The following OXR1 variants were observed in gnomAD, a reference collection of about 807,000 sequenced individuals.
OXR1 encodes the protein oxidation resistance protein 1.
In OXR1, 41 loss-of-function variants were observed where a neutral mutation model predicts 104.6. The ratio of observed to expected loss-of-function variants is 0.39; its 90% CI spans 0.31 to 0.51. The LOEUF is 0.51. Ranked by LOEUF, OXR1 falls within the 20% of genes least tolerant of loss-of-function variation. The pLI, the probability that OXR1 is intolerant of heterozygous loss-of-function variation, is 0.77. For missense variants in OXR1, 955 were observed against 1,031.9 expected (o/e 0.93, Z 1.02); for synonymous variants, 348 against 348.4 (o/e 1.00, Z 0.01).
chr8:106,562,468 A>T (rs1193682486), intron 3 of OXR1, among the ~76,000 whole-genome samples: 1 of 152,232 alleles, frequency 6.6e-6, no homozygotes, highest in African/African-American at 2.4e-5. Flanking sequence ...ATATAGGACT[A>T]TGTGAAAAGA....
In OXR1 at chr8:106,616,838, G is replaced by T. The variant is rs543499460; in HGVS notation, c.221-62372G>T. On this transcript the variant is annotated intron_variant, in intron 3 of 16. Coordinates refer to ENST00000517566, the MANE Select transcript of OXR1 (RefSeq NM_001198533.2). ...TTAAATTTACCCCTGAAGCCCACCT[G>T]TTTGGGCATCCATTAGTTCTTAGAC... is the stretch of plus-strand genomic sequence containing the variant. Among the ~76,000 whole-genome samples the T allele has an allele frequency of 4.6e-5, 7 of 152,264 alleles. No homozygotes were observed. The East Asian group carries it at 1.2e-3, about 25-fold the overall frequency.
intron 1 of OXR1, among the ~76,000 whole-genome samples, chr8:106,279,793 A>C (rs914594156): frequency 1.3e-5 from 2 of 152,264 alleles, no homozygotes; most frequent in Non-Finnish European, 2.9e-5. Flanking sequence ...GAGTTCCTTC[A>C]CTGACTTCAA....
At chr8:106,526,631 C>T (rs1813691347) in intron 3 of OXR1, among the ~76,000 whole-genome samples, 1 of 152,230 alleles carries the variant, frequency 6.6e-6, no homozygotes, top group Admixed American at 6.5e-5. Flanking sequence ...CAAGCTCCGC[C>T]TCCCGGGTTC....
chr8:106,452,483 C>G (rs978290398), intron 2 of OXR1, among the ~76,000 whole-genome samples: 4 of 152,078 alleles, frequency 2.6e-5, no homozygotes, highest in Non-Finnish European at 5.9e-5. Flanking sequence ...ATCTTGTTAT[C>G]TTTACCAAAA....
chr8:106,721,057 C>A (rs1832783063), intron 11 of OXR1, among the ~76,000 whole-genome samples: 1 of 152,018 alleles, frequency 6.6e-6, no homozygotes, highest in Admixed American at 6.6e-5. Flanking sequence ...CAAGTACCAA[C>A]TTCAAGAGGC....
At chr8:106,572,545 C>CCA in intron 3 of OXR1, among the ~76,000 whole-genome samples, 1 of 152,040 alleles carries the variant, frequency 6.6e-6, no homozygotes, top group East Asian at 1.9e-4. Flanking sequence ...GACCCAAGCC[C>CCA]TACCTTTGAT....
At chr8:106,710,125 T>C (rs912347325) in intron 9 of OXR1, among the ~76,000 whole-genome samples, 2 of 152,128 alleles carry the variant, frequency 1.3e-5, no homozygotes, top group African/African-American at 4.8e-5. Flanking sequence ...GGTGGCAGAA[T>C]CTAACATATT....
intron 1 of OXR1, among the ~76,000 whole-genome samples, chr8:106,340,884 A>G (rs1815219327): frequency 6.6e-6 from 1 of 152,156 alleles, no homozygotes; most frequent in South Asian, 2.1e-4. Context: ...ATTATTCAAC[A>G]TTTACTGATA....
chr8:106,483,148 A>G (rs1399022454), intron 2 of OXR1, among the ~76,000 whole-genome samples: 1 of 151,970 alleles, frequency 6.6e-6, no homozygotes, highest in Non-Finnish European at 1.5e-5. Flanking sequence ...ATCATGCTTC[A>G]CAGTAGTCAG....
intron 11 of OXR1, chr8:106,726,129 G>A: frequency 1.4e-6 from 2 of 1,416,640 alleles, no homozygotes; most frequent in East Asian, 2.7e-5. Context: ...CTAGCAAACT[G>A]TTTTGTCACT....
chr8:106,600,211 G>A (rs763049979), intron 3 of OXR1, among the ~76,000 whole-genome samples: 26 of 152,192 alleles, frequency 1.7e-4, no homozygotes, highest in Non-Finnish European at 3.1e-4. Flanking sequence ...AGTAATAGGA[G>A]TAATGGAAAC....
chr8:106,607,344 C>T (rs1192356972), intron 3 of OXR1, among the ~76,000 whole-genome samples: 1 of 152,206 alleles, frequency 6.6e-6, no homozygotes, highest in African/African-American at 2.4e-5. Flanking sequence ...CATAAGTTAT[C>T]CCTTCCTCCC....
intron 3 of OXR1, among the ~76,000 whole-genome samples, chr8:106,608,299 A>G (rs1820553791): frequency 6.6e-6 from 1 of 152,142 alleles, no homozygotes; most frequent in Non-Finnish European, 1.5e-5. Flanking sequence ...TCTGTCTCTA[A>G]AAAAGCAAAA....
At chr8:106,630,623 C>G (rs959486288) in intron 3 of OXR1, among the ~76,000 whole-genome samples, 5 of 152,038 alleles carry the variant, frequency 3.3e-5, no homozygotes, top group African/African-American at 1.2e-4. Flanking sequence ...GAAGGGGAAG[C>G]GGGTTGTTTA....
At chr8:106,471,541 C>T (rs534228569) in intron 2 of OXR1, among the ~76,000 whole-genome samples, 6 of 151,640 alleles carry the variant, frequency 4.0e-5, no homozygotes, top group South Asian at 4.2e-4. Flanking sequence ...GTATTGCATG[C>T]GATAGACTAG....
At position 106,739,491 on chromosome 8, in the gene OXR1, G is replaced by T. The variant is rs766033726; in HGVS notation, c.2071G>T (p.Val691Phe). The change falls in exon 13 of 17, where the codon GTT becomes TTT. Residue 691 changes from valine to phenylalanine, a missense_variant. Physicochemically the swap from Val to Phe is conservative, Grantham distance 50 (BLOSUM62 -1). Transcript: ENST00000517566. ...AAGGGAAGACATAAATTCAAAGCAGGTTGCTACAGTGAAAGCAGACCTGGA... is the reference window on the plus strand; with the variant it reads ...AAGGGAAGACATAAATTCAAAGCAGTTTGCTACAGTGAAAGCAGACCTGGA... ...TTREDINSKQ[V>F]ATVKADLESE... The T allele has an allele frequency of 6.2e-7, 1 of 1,612,840 alleles. No individual in the cohort carries two copies. The highest frequency in any genetic ancestry group is 8.5e-7 in the Non-Finnish European group (1 of 1,179,094).
At chr8:106,376,051 G>T (rs1816894201) in intron 2 of OXR1, among the ~76,000 whole-genome samples, 2 of 152,048 alleles carry the variant, frequency 1.3e-5, no homozygotes, top group Non-Finnish European at 2.9e-5. Context: ...GTCTCAGTAT[G>T]TTACCCAGGC....
intron 2 of OXR1, among the ~76,000 whole-genome samples, chr8:106,459,926 A>G (rs1261018226): frequency 6.6e-6 from 1 of 152,228 alleles, no homozygotes; most frequent in Admixed American, 6.5e-5. Context: ...TCAAGGGAAG[A>G]TGGAGCATCC....
At chr8:106,470,736 G>T (rs1172830030) in intron 2 of OXR1, among the ~76,000 whole-genome samples, 1 of 151,792 alleles carries the variant, frequency 6.6e-6, no homozygotes, top group Non-Finnish European at 1.5e-5. Flanking sequence ...ATAGGTCAGG[G>T]AGAAGAGGTG....
Sources: gnomAD v4.1 joint callset for allele counts (sites outside exome capture counted in the v4.1 genomes callset) on GRCh38, gnomAD v4.1.1 for gene constraint, MANE v1.5 for transcripts, NCBI Gene and HGNC (gene_info 2026-07-23, HGNC 2026-07-21) for gene names.